Variants in PINK1 observed in about 807,000 individuals in gnomAD.
PINK1 encodes PTEN induced kinase 1.
In PINK1, 58 loss-of-function variants were observed where a neutral mutation model predicts 56.0. The observed-to-expected ratio is 1.04, with a 90% confidence interval of 0.84 to 1.29. PINK1 has a LOEUF of 1.29. Among genes scored for constraint, PINK1 ranks in the 50% most tolerant of loss-of-function variants. The pLI, the probability that PINK1 is intolerant of heterozygous loss-of-function variation, is 0.00. For missense variants in PINK1, 745 were observed against 777.9 expected (o/e 0.96, Z 0.50); for synonymous variants, 354 against 339.3 (o/e 1.04, Z -0.48).
chr1:20,644,771 A>T, intron 4 of PINK1, 99 bp downstream of exon 4: 1 of 1,452,246 alleles, frequency 6.9e-7, no homozygotes, highest in Non-Finnish European at 9.4e-7. Context: ...GGTTTTGGAG[A>T]ACAGGGTCAT....
chr1:20,649,030 T>C lies in PINK1; in HGVS notation c.1287T>C (p.Ile429=), dbSNP rs759257778. ...STARPGPRAV[I]DYSKADAWAV... ...CCCGTCCTGGCCCCAGGGCAGTGAT[T>C]GACTACAGCAAGGCTGATGCCTGGG... The change falls in exon 7 of 8, where the codon ATT becomes ATC. Residue 429 remains isoleucine (I), a synonymous_variant. Coordinates refer to ENST00000321556, the MANE Select transcript of PINK1 (RefSeq NM_032409.3). 5 of 1,613,912 alleles carry C rather than the reference T, an allele frequency of 3.1e-6. No homozygotes were observed. The highest frequency in any genetic ancestry group is 1.7e-4 in the Middle Eastern group (1 of 5,770).
At chr1:20,649,806 AGG>A (rs1181433620) in intron 7 of PINK1, 2 of 162,892 alleles carry the variant, frequency 1.2e-5, no homozygotes, top group African/African-American at 4.8e-5. Context: ...GAGAGAGAAA[AGG>A]AGGCATTTTT....
At chr1:20,639,753 A>C in intron 2 of PINK1, 139 bp from the exon 3 acceptor site, 1 of 753,586 alleles carries the variant, frequency 1.3e-6, no homozygotes, top group Non-Finnish European at 2.3e-6. Context: ...CCTGCCAGTT[A>C]AGACAGGTCA....
At position 20,638,077 on chromosome 1, in the gene PINK1, C is replaced by T; in HGVS notation, c.623C>T (p.Ala208Val). 1 of 1,614,046 alleles carries T rather than the reference C, an allele frequency of 6.2e-7. No homozygotes were observed. The change falls in exon 2 of 8, where the codon GCT becomes GTT. Residue 208 changes from alanine to valine, a missense_variant. Physicochemically the swap from Ala to Val is moderately conservative, Grantham distance 64. Coordinates refer to ENST00000321556, the MANE Select transcript of PINK1 (RefSeq NM_032409.3). ...TSAPGEGQER[A>V]PGAPAFPLAI... Reference sequence around the variant, plus strand: ...GCACCAGGAGAAGGGCAGGAGCGAGCTCCGGGGGCCCCTGCCTTCCCCTTG... The same window carrying T: ...GCACCAGGAGAAGGGCAGGAGCGAGTTCCGGGGGCCCCTGCCTTCCCCTTG...
At chr1:20,636,511 T>C (rs1036876292) in intron 1 of PINK1, among the ~76,000 whole-genome samples, 1 of 151,996 alleles carries the variant, frequency 6.6e-6, no homozygotes, top group Admixed American at 6.6e-5. Flanking sequence ...CCGGCTAATT[T>C]TTTGTATTTT....
intron 2 of PINK1, 81 bp downstream of exon 2, chr1:20,638,210 G>A (rs2053077656): frequency 6.7e-7 from 1 of 1,500,836 alleles, no homozygotes; most frequent in Non-Finnish European, 9.0e-7. Context: ...TTTTTTCCAG[G>A]AAGTAGGTAG....
At chr1:20,644,169 A>C (rs1171940377) in intron 3 of PINK1, among the ~76,000 whole-genome samples, 5 of 152,146 alleles carry the variant, frequency 3.3e-5, no homozygotes, top group Non-Finnish European at 7.3e-5. Context: ...ACAGTGGCAG[A>C]CCTGGAATGC....
At position 20,637,284 on chromosome 1, in the gene PINK1, A is replaced by T. The variant is rs115689766; in HGVS notation, c.388-558A>T. Among the ~76,000 whole-genome samples, 249 of 152,262 alleles carry T rather than the reference A, an allele frequency of 1.6e-3. 2 individuals are homozygous for T. The highest frequency in any genetic ancestry group is 2.4e-3 in the Non-Finnish European group (163 of 68,010). ...GCCCCCAGCACCTGCACCTCCATCT[A>T]TTTCTGTCTGAACTCTTGTACTCTT... On this transcript the variant is annotated intron_variant, in intron 1 of 7. Transcript: ENST00000321556.
intron 5 of PINK1, 36 bp downstream of exon 5, chr1:20,645,759 G>A (rs1218909672): frequency 1.2e-6 from 2 of 1,613,518 alleles, no homozygotes; most frequent in Admixed American, 1.7e-5. Context: ...CTCTCCAGGG[G>A]CACTAGAGGG....
At chr1:20,636,432 C>T (rs916646164) in intron 1 of PINK1, among the ~76,000 whole-genome samples, 6 of 151,958 alleles carry the variant, frequency 3.9e-5, no homozygotes, top group Non-Finnish European at 8.8e-5. Flanking sequence ...ACCTCCACCT[C>T]CCAGATTCAC....
intron 1 of PINK1, 51 bp downstream of exon 1, chr1:20,633,986 G>A: frequency 6.5e-7 from 1 of 1,546,402 alleles, no homozygotes; most frequent in Non-Finnish European, 8.7e-7. Flanking sequence ...TAAGCGCGGG[G>A]GCGGGTCCTC....
intron 7 of PINK1, chr1:20,649,782 A>G: frequency 6.1e-6 from 1 of 162,934 alleles, no homozygotes; most frequent in Non-Finnish European, 1.4e-5. Context: ...AAAAAAAAAA[A>G]AAAAGGCTAT....
In PINK1 at chr1:20,639,788, T is replaced by C. The variant is rs41265073; in HGVS notation, c.676-104T>C. 4,070 of 1,033,718 alleles carry C rather than the reference T, an allele frequency of 3.9e-3. 16 individuals carry two copies. Among genetic ancestry groups the C allele is most frequent in the Non-Finnish European group, 5.1e-3 (3,495 of 686,214 alleles). The allele number at this position is 1,033,718 out of a possible 1,614,324, so 64.0% of individuals were successfully genotyped here. On this transcript the variant is annotated intron_variant, in intron 2 of 7. Transcript: ENST00000321556. ...ATCTTATCTCGAAGGTCAGAGCCAA[T>C]TCTAGGCAGTAGCTGCCCTGCTCCA...
rs1166974640 is a variant in PINK1 at position 20,633,894 on chromosome 1, G to A, written c.346G>A (p.Ala116Thr). The A allele has an allele frequency of 1.3e-6, 2 of 1,584,246 alleles. No individual in the cohort carries two copies. The highest frequency in any genetic ancestry group is 2.3e-5 in the East Asian group (1 of 43,382). ...GCTGGGCCTCATCGAGGAAAAACAGGCGGAGAGCCGGCGGGCGGTCTCGGC... is the reference window on the plus strand; with the variant it reads ...GCTGGGCCTCATCGAGGAAAAACAGACGGAGAGCCGGCGGGCGGTCTCGGC... ...LGLGLIEEKQ[A>T]ESRRAVSACQ... The change falls in exon 1 of 8, where the codon GCG (alanine) becomes ACG (threonine). Residue 116 changes from alanine to threonine, a missense_variant. Coordinates refer to ENST00000321556, the MANE Select transcript of PINK1 (RefSeq NM_032409.3).
At chr1:20,644,763 T>C (rs2053157848) in intron 4 of PINK1, 91 bp downstream of exon 4, 6 of 1,498,678 alleles carry the variant, frequency 4.0e-6, no homozygotes, top group Non-Finnish European at 5.5e-6. Flanking sequence ...GATCAGGGGG[T>C]TTTGGAGAAC....
rs747070216 is a variant in PINK1 at position 20,641,463 on chromosome 1, TCTCA to T, written c.776+1474_776+1477del. On this transcript the variant is annotated intron_variant, in intron 3 of 7. Coordinates refer to ENST00000321556, the MANE Select transcript of PINK1 (RefSeq NM_032409.3). The surrounding 1 kb of genome is among the most constrained non-coding windows in gnomAD (Gnocchi z 4.0). Reference sequence around the variant, plus strand: ...TCAGGGACTTTGTTCCTTTAGCAGTTCTCACTGTCTGGCCTCAAATAACACGTCT... The same window carrying T: ...TCAGGGACTTTGTTCCTTTAGCAGTTCTGTCTGGCCTCAAATAACACGTCT... 1.3e-5 allele frequency among the ~76,000 whole-genome samples: 2 copies of T among 152,158 alleles called. No homozygotes were observed. Among genetic ancestry groups the T allele is most frequent in the South Asian group, 2.1e-4 (1 of 4,824 alleles).
At chr1:20,639,142 G>A (rs189314405) in intron 2 of PINK1, 40 of 154,528 alleles carry the variant, frequency 2.6e-4, no homozygotes, top group African/African-American at 9.6e-4. Context: ...AGCCGTTCAT[G>A]GTGGGCCCTA....
rs761861523 is a variant in PINK1 at position 20,639,948 on chromosome 1, G to A, written c.732G>A (p.Ala244=). 5.0e-6 allele frequency: 8 copies of A among 1,612,722 alleles called. No homozygotes were observed. Among genetic ancestry groups the A allele is most frequent in the East Asian group, 2.2e-5 (1 of 44,876 alleles). Residue 244 remains alanine (A), a synonymous_variant, in exon 3 of 8, where the codon GCG becomes GCA. Coordinates refer to ENST00000321556, the MANE Select transcript of PINK1 (RefSeq NM_032409.3). ...LNTMSQELVP[A]SRVALAGEYG... ...CAATGAGCCAGGAGCTGGTCCCAGC[G>A]AGCCGAGTGGCCTTGGCTGGGGAGT...
intron 7 of PINK1, chr1:20,650,177 C>A (rs192376701): frequency 1.8e-6 from 1 of 554,810 alleles, no homozygotes; most frequent in Admixed American, 3.0e-5. Context: ...ACAAGAGGCA[C>A]TAGGCTTTCC....
Sources: gnomAD v4.1 joint callset for allele counts (sites outside exome capture counted in the v4.1 genomes callset) on GRCh38, gnomAD v4.1.1 for gene constraint, Gnocchi (gnomAD v3.1) non-coding constraint, MANE v1.5 for transcripts, NCBI Gene and HGNC (gene_info 2026-07-23, HGNC 2026-07-21) for gene names.